DIP2B: variants seen among roughly 807,000 people sequenced by gnomAD.
DIP2B encodes the protein disco-interacting protein 2 homolog B.
Under a neutral mutation model 198.0 loss-of-function variants are expected in DIP2B, and 76 were observed. That is an observed-to-expected ratio of 0.38 (90% confidence interval 0.32 to 0.46). The LOEUF is 0.46. Ranked by LOEUF, DIP2B falls within the 20% of genes least tolerant of loss-of-function variation. The pLI is 0.99. For synonymous variants in DIP2B, 701 were observed against 739.1 expected (o/e 0.95, Z 0.84); for missense variants, 1,559 against 1,978.4 (o/e 0.79, Z 4.02).
intron 1 of DIP2B, among the ~76,000 whole-genome samples, chr12:50,575,253 C>A (rs1449529170): frequency 6.6e-6 from 1 of 152,168 alleles, no homozygotes; most frequent in Non-Finnish European, 1.5e-5. Context: ...TAAAACTAAA[C>A]TCTCTTCTAG....
chr12:50,584,734 T>A (rs909227839), intron 1 of DIP2B, among the ~76,000 whole-genome samples: 1 of 152,092 alleles, frequency 6.6e-6, no homozygotes, highest in Non-Finnish European at 1.5e-5. Context: ...TGGCTTATTT[T>A]TGTATTTTTA....
At position 50,617,944 on chromosome 12, in the gene DIP2B, A is replaced by G. The variant is rs574390736; in HGVS notation, c.101-8032A>G. 1.6e-4 allele frequency among the ~76,000 whole-genome samples: 25 copies of G among 152,330 alleles called. No individual in the cohort carries two copies. The South Asian group carries it at 4.8e-3, about 29-fold the overall frequency. ...TAGTAATTGCTTATGTTGTTTGTTT[A>G]TGGACAACAGGTTTAATTTTTTTAA... On this transcript the variant is annotated intron_variant, in intron 1 of 37. Coordinates refer to ENST00000301180, the MANE Select transcript of DIP2B (RefSeq NM_173602.3).
In DIP2B at chr12:50,641,027, G is replaced by C. The variant is rs533848072; in HGVS notation, c.301+175G>C. 2.0e-5 allele frequency among the ~76,000 whole-genome samples: 3 copies of C among 152,150 alleles called. No individual in the cohort carries two copies. The South Asian group carries it at 6.2e-4, about 32-fold the overall frequency. ...ACCCTACTATGTATCAGGTATAGTAGGTACTCAATAATTTGCTGGAAATGG... is the reference window on the plus strand; with the variant it reads ...ACCCTACTATGTATCAGGTATAGTACGTACTCAATAATTTGCTGGAAATGG... On this transcript the variant is annotated intron_variant, in intron 3 of 37. Coordinates refer to ENST00000301180, the MANE Select transcript of DIP2B (RefSeq NM_173602.3).
intron 2 of DIP2B, among the ~76,000 whole-genome samples, chr12:50,627,920 C>T (rs147764450): frequency 6.6e-6 from 1 of 152,290 alleles, no homozygotes; most frequent in Non-Finnish European, 1.5e-5. Context: ...TTATCTGTTC[C>T]TCCTGGCCAA....
At chr12:50,593,717 T>TCCC (rs1593637801) in intron 1 of DIP2B, among the ~76,000 whole-genome samples, 2 of 11,272 alleles carry the variant, frequency 1.8e-4, no homozygotes, top group South Asian at 7.2e-3. Flanking sequence ...CCTCCTCTCC[T>TCCC]CTCCTCTCCT....
At chr12:50,642,521 C>G (rs1272600983) in intron 3 of DIP2B, among the ~76,000 whole-genome samples, 2 of 152,166 alleles carry the variant, frequency 1.3e-5, no homozygotes, top group African/African-American at 4.8e-5. Context: ...GGTGGTGGCT[C>G]ACACCTGTAA....
chr12:50,563,975 CTT>C (rs1212530433), intron 1 of DIP2B, among the ~76,000 whole-genome samples: 1 of 152,142 alleles, frequency 6.6e-6, no homozygotes, highest in East Asian at 1.9e-4. Flanking sequence ...AGTCCTCTCT[CTT>C]AGCTCTTCAG....
chr12:50,664,830 GTTTTTGTTTTTTTTTTTT>G (rs767716880), intron 4 of DIP2B, among the ~76,000 whole-genome samples: 10,099 of 99,684 alleles, frequency 0.1, 2,463 homozygotes, highest in East Asian at 0.24. Context: ...TCCTTTTTTG[GTTTTTGTTTTTTTTTTTT>G]TTTTTTTTTT....
At chr12:50,543,963 C>T (rs1042638890) in intron 1 of DIP2B, among the ~76,000 whole-genome samples, 1 of 142,276 alleles carries the variant, frequency 7.0e-6, no homozygotes, top group Admixed American at 7.2e-5. Context: ...GGCATGGTGG[C>T]TCACGCTTGT....
chr12:50,734,642 G>A (rs747725314), intron 33 of DIP2B, among the ~76,000 whole-genome samples: 109 of 152,150 alleles, frequency 7.2e-4, no homozygotes, highest in Non-Finnish European at 1.3e-3. Flanking sequence ...CTGGCCCAGG[G>A]CTCTAAGACT....
chr12:50,705,022 A>G (rs1278699257), intron 20 of DIP2B, among the ~76,000 whole-genome samples: 1 of 152,228 alleles, frequency 6.6e-6, no homozygotes, highest in Non-Finnish European at 1.5e-5. Context: ...ATTAGAGACA[A>G]TCAGGACATT....
rs751704562 is a variant in DIP2B, at chr12:50,708,490, T to C, written c.2577T>C (p.Ile859=). The change falls in exon 22 of 38, where the codon ATT becomes ATC. Residue 859 remains isoleucine (I), a synonymous_variant. Transcript: ENST00000301180. Reference sequence around the variant, plus strand: ...TGTCTGTATTTTATGATGAGCGCATTGTGGTGGTTGCGGAACAAAGACCTG... The same window carrying C: ...TGTCTGTATTTTATGATGAGCGCATCGTGGTGGTTGCGGAACAAAGACCTG... ...FSVSVFYDER[I]VVVAEQRPDA... 2.5e-6 allele frequency: 4 copies of C among 1,608,518 alleles called. No individual in the cohort carries two copies. Among genetic ancestry groups the C allele is most frequent in the African/African-American group, 1.3e-5 (1 of 75,002 alleles).
At chr12:50,582,078 G>C (rs528281921) in intron 1 of DIP2B, among the ~76,000 whole-genome samples, 7 of 151,724 alleles carry the variant, frequency 4.6e-5, no homozygotes, top group Admixed American at 3.9e-4. Context: ...TCAAAGAGAA[G>C]GGCAGTAACT....
chr12:50,511,291 A>ATTTTTTTTTTTTTTTTTTTTTTTT (rs71083581), intron 1 of DIP2B, among the ~76,000 whole-genome samples: 1 of 64,664 alleles, frequency 1.5e-5, no homozygotes, highest in Non-Finnish European at 2.7e-5. Context: ...TGTGATTTCT[A>ATTTTTTTTTTTTTTTTTTTTTTTT]TTTTTTTTTT....
intron 1 of DIP2B, among the ~76,000 whole-genome samples, chr12:50,509,724 G>A (rs553031799): frequency 6.6e-6 from 1 of 152,276 alleles, no homozygotes; most frequent in Admixed American, 6.5e-5. Context: ...TCTCAGAAGG[G>A]GGCAGTTAGA....
intron 1 of DIP2B, among the ~76,000 whole-genome samples, chr12:50,561,136 A>C (rs976702218): frequency 1.3e-5 from 2 of 152,208 alleles, no homozygotes; most frequent in Admixed American, 6.5e-5. Flanking sequence ...GTTTAAGGAA[A>C]GCTAGATAAC....
At chr12:50,511,648 T>A (rs1958017927) in intron 1 of DIP2B, among the ~76,000 whole-genome samples, 1 of 151,726 alleles carries the variant, frequency 6.6e-6, no homozygotes, top group Non-Finnish European at 1.5e-5. Flanking sequence ...TTAAAAAAAT[T>A]TTTTTTAAAG....
chr12:50,616,688 A>G (rs796324625), intron 1 of DIP2B, among the ~76,000 whole-genome samples: 1 of 152,194 alleles, frequency 6.6e-6, no homozygotes, highest in African/African-American at 2.4e-5. Flanking sequence ...CTTGTTTTGT[A>G]TGACTGTGAG....
chr12:50,648,357 A>T (rs1002428172), intron 3 of DIP2B, among the ~76,000 whole-genome samples: 6 of 151,502 alleles, frequency 4.0e-5, no homozygotes, highest in African/African-American at 4.8e-5. Flanking sequence ...TATTTTTTTT[A>T]TTATTTTATT....
Sources: gnomAD v4.1 joint callset for allele counts (sites outside exome capture counted in the v4.1 genomes callset) on GRCh38, gnomAD v4.1.1 for gene constraint, MANE v1.5 for transcripts, NCBI Gene and HGNC (gene_info 2026-07-23, HGNC 2026-07-21) for gene names.